The following TRIM49B variants were observed in gnomAD, a reference collection of about 807,000 sequenced individuals.
TRIM49B encodes the protein tripartite motif containing 49B.
In TRIM49B, 18 loss-of-function variants were observed where a neutral mutation model predicts 31.8. That is an observed-to-expected ratio of 0.57 (90% CI 0.39 to 0.84). TRIM49B has a LOEUF of 0.84. Ranked by LOEUF, TRIM49B falls within the 40% of genes least tolerant of loss-of-function variation. The probability of loss-of-function intolerance (pLI) is 0.00; values close to 1 mark genes in which losing one functional copy is unlikely to be tolerated. For missense variants in TRIM49B, 494 were observed against 538.7 expected (o/e 0.92, Z 0.82); for synonymous variants, 196 against 180.6 (o/e 1.09, Z -0.68).
chr11:49,030,353 A>T (rs570571565), intron 1 of TRIM49B, among the ~76,000 whole-genome samples: 4,831 of 15,634 alleles, frequency 0.31, 258 homozygotes, highest in African/African-American at 0.47. Flanking sequence ...AAGAAAAACA[A>T]AAAAAACTAA....
chr11:49,037,348 C>A, intron 6 of TRIM49B, 130 bp from the exon 7 acceptor site: 2 of 1,222,212 alleles, frequency 1.6e-6, no homozygotes, highest in Non-Finnish European at 2.2e-6. Flanking sequence ...TATTAACCAT[C>A]TCTATACTTT....
chr11:49,033,416 ATATG>A lies in TRIM49B; in HGVS notation c.508-728_508-725del, dbSNP rs372969789. 9.9e-5 allele frequency among the ~76,000 whole-genome samples: 15 copies of A among 152,212 alleles called. 2 individuals are homozygous for A. The highest frequency in any genetic ancestry group is 3.4e-4 in the African/African-American group (14 of 41,530). On this transcript the variant is annotated intron_variant, in intron 3 of 6. Transcript: ENST00000332682. ...GGAACACAAATGTGTGTGTGGATAT[ATATG>A]TGGACCATGAGTGTGTATATGTATG...
chr11:49,029,937 G>A (rs1439225809), intron 1 of TRIM49B, among the ~76,000 whole-genome samples: 2 of 152,122 alleles, frequency 1.3e-5, no homozygotes, highest in African/African-American at 4.8e-5. Context: ...TACTGTACAG[G>A]TTTGTAGCCT....
chr11:49,034,111 A>G (rs1163012036), intron 3 of TRIM49B, 35 bp from the exon 4 acceptor site: 1 of 1,611,050 alleles, frequency 6.2e-7, no homozygotes, highest in East Asian at 2.2e-5. Flanking sequence ...ATGGATATAT[A>G]CATTTCTCTT....
intron 1 of TRIM49B, 56 bp downstream of exon 1, chr11:49,029,031 TAG>T (rs1425889906): frequency 2.0e-5 from 3 of 149,558 alleles, no homozygotes; most frequent in Non-Finnish European, 3.0e-5. Context: ...AATAATAAAT[TAG>T]AGTGTTAAAA....
Position 49,031,966 on chromosome 11 carries a change from G to T in TRIM49B, c.367G>T (p.Asp123Tyr), listed in dbSNP as rs777525418. ...GTGCTCCAGCTCTCAGGAGCACCGG[G>T]ATCACAGACACTGTCCCATTGAGTC... ...LLCSSSQEHRDHRHCPIESAA... is the reference protein window; with the variant it reads ...LLCSSSQEHRYHRHCPIESAA... Residue 123 changes from aspartate (D) to tyrosine (Y), a missense_variant, in exon 2 of 7, where the codon GAT (aspartate) becomes TAT (tyrosine). Coordinates refer to ENST00000332682, the MANE Select transcript of TRIM49B (RefSeq NM_001206626.2). 2 of 1,611,914 alleles carry T rather than the reference G, an allele frequency of 1.2e-6. No homozygotes were observed.
intron 3 of TRIM49B, 112 bp downstream of exon 3, chr11:49,032,483 A>G: frequency 6.5e-7 from 1 of 1,549,634 alleles, no homozygotes; most frequent in South Asian, 1.2e-5. Context: ...CAGTAAAAAA[A>G]AAAGAAAAAA....
chr11:49,033,991 G>A (rs561303613), intron 3 of TRIM49B, among the ~76,000 whole-genome samples, 155 bp from the exon 4 acceptor site: 4 of 152,130 alleles, frequency 2.6e-5, no homozygotes, highest in South Asian at 2.1e-4. Flanking sequence ...TGATCTTTAC[G>A]CAGAAAAAAG....
At chr11:49,035,287 G>A (rs1590635970) in intron 5 of TRIM49B, among the ~76,000 whole-genome samples, 170 bp downstream of exon 5, 2 of 137,080 alleles carry the variant, frequency 1.5e-5, no homozygotes, top group Admixed American at 1.5e-4. Context: ...AGGCCACGAA[G>A]TAAATAAATG....
At chr11:49,032,039 T>C (rs754475281) in intron 2 of TRIM49B, 29 bp downstream of exon 2, 4 of 1,611,770 alleles carry the variant, frequency 2.5e-6, no homozygotes, top group South Asian at 1.1e-5. Flanking sequence ...GATCGATTTC[T>C]GTAAAGGATA....
rs1415551453 is a variant in TRIM49B, at chr11:49,031,843, C to T, written c.244C>T (p.Leu82Phe). The T allele has an allele frequency of 1.9e-6, 3 of 1,613,832 alleles. No individual in the cohort carries two copies. The African/African-American group carries it at 4.0e-5, about 22-fold the overall frequency. ...KMASLARKVS[L>F]WLFLSSEEQM... is the part of the protein sequence containing the mutation. The stretch of plus-strand genomic sequence containing the variant: ...GGCTTCTCTTGCTAGAAAAGTCAGT[C>T]TCTGGCTATTCCTGAGCTCTGAGGA... The change falls in exon 2 of 7, where the codon CTC (leucine) becomes TTC (phenylalanine). Residue 82 changes from leucine to phenylalanine, a missense_variant. By Grantham distance (22) the Leu-to-Phe change is conservative. Around this residue, in one of 3 missense-constraint regions of TRIM49B, gnomAD observed 251 missense variants for 232.8 expected, o/e 1.08. Coordinates refer to ENST00000332682, the MANE Select transcript of TRIM49B (RefSeq NM_001206626.2).
rs1278125000 is a variant in TRIM49B at position 49,037,588 on chromosome 11, A to G, written c.970A>G (p.Thr324Ala). 13 of 1,614,132 alleles carry G rather than the reference A, an allele frequency of 8.1e-6. No individual in the cohort carries two copies. Among genetic ancestry groups the G allele is most frequent in the Non-Finnish European group, 1.1e-5 (13 of 1,180,004 alleles). ...DHQDVPYFTA[T>A]PRSFLAWGAQ... ...TCAAGATGTACCCTATTTCACTGCA[A>G]CACCTAGAAGTTTTCTTGCATGGGG... Residue 324 changes from threonine (T) to alanine (A), a missense_variant, in exon 7 of 7, where the codon ACA becomes GCA. By Grantham distance (58) the Thr-to-Ala change is moderately conservative. Coordinates refer to ENST00000332682, the MANE Select transcript of TRIM49B (RefSeq NM_001206626.2).
Position 49,031,938 on chromosome 11 carries a change from G to A in TRIM49B, c.339G>A (p.Leu113=), listed in dbSNP as rs1854455153. ...FCEVDRSLLC[L]LCSSSQEHRD... is the part of the protein sequence containing the mutation. ...AAGTGGACAGGAGCCTGCTCTGTTT[G>A]CTGTGCTCCAGCTCTCAGGAGCACC... The change falls in exon 2 of 7, where the codon TTG becomes TTA. Residue 113 remains leucine, a synonymous_variant. Coordinates refer to ENST00000332682, the MANE Select transcript of TRIM49B (RefSeq NM_001206626.2). 6.2e-7 allele frequency: 1 copy of A among 1,612,082 alleles called. No individual in the cohort carries two copies. Among genetic ancestry groups the A allele is most frequent in the Middle Eastern group, 2.2e-4 (1 of 4,494 alleles).
At chr11:49,031,176 T>G (rs963301725) in intron 1 of TRIM49B, among the ~76,000 whole-genome samples, 8 of 152,110 alleles carry the variant, frequency 5.3e-5, no homozygotes, top group African/African-American at 1.9e-4. Context: ...CTTCTCATAT[T>G]TCTTTGGCCA....
At chr11:49,036,457 A>C in intron 6 of TRIM49B, 59 bp downstream of exon 6, 1 of 926,764 alleles carries the variant, frequency 1.1e-6, no homozygotes, top group Admixed American at 2.8e-5. Flanking sequence ...TGTTAGGATC[A>C]CATAGGTAAT....
In TRIM49B at chr11:49,037,632, G is replaced by A. The variant is rs776387718; in HGVS notation, c.1014G>A (p.Ser338=). 23 of 1,613,750 alleles carry A rather than the reference G, an allele frequency of 1.4e-5. No individual in the cohort carries two copies. The highest frequency in any genetic ancestry group is 4.5e-5 in the East Asian group (2 of 44,874). ...FLAWGAQTFT[S]GKYYWEVHVG... is the part of the protein sequence containing the mutation. Reference sequence around the variant, plus strand: ...CATGGGGTGCTCAGACTTTCACCTCGGGCAAATATTACTGGGAGGTCCATG... The same window carrying A: ...CATGGGGTGCTCAGACTTTCACCTCAGGCAAATATTACTGGGAGGTCCATG... Residue 338 remains serine (S), a synonymous_variant, in exon 7 of 7, where the codon TCG becomes TCA. Transcript: ENST00000332682.
At chr11:49,037,392 T>A in intron 6 of TRIM49B, 86 bp from the exon 7 acceptor site, 1 of 1,477,170 alleles carries the variant, frequency 6.8e-7, no homozygotes, top group East Asian at 2.5e-5. Context: ...TTTATGACTT[T>A]ACATTTGCTG....
rs747715650 is a variant in TRIM49B at position 49,034,200 on chromosome 11, G to A, written c.562G>A (p.Ala188Thr). ...TAGAGCTGAGTATCAGAAGATGCCT[G>A]CATTTCACCATGAAGAAGAAAAACA... ...AIRAEYQKMPAFHHEEEKHNL... is the reference protein window; with the variant it reads ...AIRAEYQKMPTFHHEEEKHNL... The change falls in exon 4 of 7, where the codon GCA (alanine) becomes ACA (threonine). Residue 188 changes from alanine (A) to threonine (T), a missense_variant. Physicochemically the swap from Ala to Thr is moderately conservative, Grantham distance 58. Around this residue, in one of 3 missense-constraint regions of TRIM49B, gnomAD observed 251 missense variants for 232.8 expected, o/e 1.08. Coordinates refer to ENST00000332682, the MANE Select transcript of TRIM49B (RefSeq NM_001206626.2). 12 of 1,611,922 alleles carry A rather than the reference G, an allele frequency of 7.4e-6. No homozygotes were observed. Among genetic ancestry groups the A allele is most frequent in the South Asian group, 2.2e-5 (2 of 90,982 alleles).
rs746635473 is a variant in TRIM49B at position 49,034,130 on chromosome 11, C to T, written c.508-16C>T. 1 of 1,611,594 alleles carries T rather than the reference C, an allele frequency of 6.2e-7. No homozygotes were observed. The highest frequency in any genetic ancestry group is 8.5e-7 in the Non-Finnish European group (1 of 1,179,552). ...ATATATACATTTCTCTTTTGACTAA[C>T]CCATTATCACTGCAGGATTATGTGA... is the stretch of plus-strand genomic sequence containing the variant. On this transcript the variant is annotated splice_polypyrimidine_tract_variant and intron_variant, in intron 3 of 6. Transcript: ENST00000332682.
Sources: allele counts gnomAD v4.1 joint callset (sites outside exome capture counted in the v4.1 genomes callset), GRCh38; gene constraint gnomAD v4.1.1; regional missense constraint gnomAD v4.1.1; transcripts MANE v1.5; gene names NCBI Gene and HGNC (gene_info 2026-07-23, HGNC 2026-07-21).